The following ELAPOR1 variants were observed in gnomAD, a reference collection of about 807,000 sequenced individuals.
ELAPOR1 encodes the protein endosome/lysosome-associated apoptosis and autophagy regulator 1.
Under a neutral mutation model 119.7 loss-of-function variants are expected in ELAPOR1, and 77 were observed. That is an observed-to-expected ratio of 0.64 (90% CI 0.54 to 0.78). ELAPOR1 has a LOEUF of 0.78. Among genes scored for constraint, ELAPOR1 ranks in the 30% least tolerant of loss-of-function variants. ELAPOR1 has a pLI of 0.00. For synonymous variants in ELAPOR1, 481 were observed against 487.2 expected (o/e 0.99, Z 0.17); for missense variants, 1,115 against 1,270.4 (o/e 0.88, Z 1.86).
At chr1:109,201,879 C>A (rs985661662) in intron 21 of ELAPOR1, among the ~76,000 whole-genome samples, 2 of 152,028 alleles carry the variant, frequency 1.3e-5, no homozygotes, top group Non-Finnish European at 2.9e-5. Flanking sequence ...GCTGGAGGAT[C>A]TCTTGAGGCT....
rs552697903 is a variant in ELAPOR1 at position 109,141,423 on chromosome 1, G to A, written c.154-20471G>A. Among the ~76,000 whole-genome samples, 13 of 151,368 alleles carry A rather than the reference G, an allele frequency of 8.6e-5. No individual in the cohort carries two copies. The South Asian group carries it at 2.1e-3, about 24-fold the overall frequency. ...ACTACAGGCGCCTGCCACCACGCCCGGCTAATTTTTTGTATTTTTAGTAGA... is the reference window on the plus strand; with the variant it reads ...ACTACAGGCGCCTGCCACCACGCCCAGCTAATTTTTTGTATTTTTAGTAGA... On this transcript the variant is annotated intron_variant, in intron 1 of 21. Transcript: ENST00000369939.
At position 109,202,951 on chromosome 1, in the gene ELAPOR1, C is replaced by T; in HGVS notation, c.2981C>T (p.Pro994Leu). The T allele has an allele frequency of 1.9e-6, 3 of 1,613,902 alleles. No individual in the cohort carries two copies. Among genetic ancestry groups the T allele is most frequent in the Non-Finnish European group, 1.7e-6 (2 of 1,179,938 alleles). ...KIKSFTSKRT[P>L]DGFDSVPLKT... ...TCACCATCTCTCTTTCAGAGGACTC[C>T]TGATGGATTTGACTCAGTGCCGCTG... Residue 994 changes from proline (P) to leucine (L), a missense_variant, in exon 22 of 22, where the codon CCT becomes CTT. Physicochemically the swap from Pro to Leu is moderately conservative, Grantham distance 98. Transcript: ENST00000369939.
intron 1 of ELAPOR1, among the ~76,000 whole-genome samples, chr1:109,141,928 G>A (rs1649852511): frequency 6.6e-6 from 1 of 151,982 alleles, no homozygotes; most frequent in Non-Finnish European, 1.5e-5. Context: ...GCCTCTCGAA[G>A]TGCTAGGATT....
Position 109,191,756 on chromosome 1 carries a change from G to A in ELAPOR1, c.1576G>A (p.Glu526Lys), listed in dbSNP as rs1653451869. Residue 526 changes from glutamate (E) to lysine (K), a missense_variant, in exon 13 of 22, where the codon GAG (glutamate) becomes AAG (lysine). Transcript: ENST00000369939. ...GAATTCTAGGACCAACACTCCTGTGGAGACGTGGAAAGGTTCCAAAGGCAA... is the reference window on the plus strand; with the variant it reads ...GAATTCTAGGACCAACACTCCTGTGAAGACGTGGAAAGGTTCCAAAGGCAA... ...GVNSRTNTPV[E>K]TWKGSKGKQS... is the part of the protein sequence containing the mutation. 1 of 1,614,096 alleles carries A rather than the reference G, an allele frequency of 6.2e-7. No individual in the cohort carries two copies. Among genetic ancestry groups the A allele is most frequent in the African/African-American group, 1.3e-5 (1 of 74,922 alleles).
chr1:109,116,968 G>A, intron 1 of ELAPOR1, among the ~76,000 whole-genome samples: 1 of 152,200 alleles, frequency 6.6e-6, no homozygotes, highest in East Asian at 1.9e-4. Flanking sequence ...TGGGACTGCA[G>A]GCGTGAGTCA....
intron 8 of ELAPOR1, chr1:109,186,830 C>T (rs1018907867): frequency 3.0e-6 from 3 of 985,404 alleles, no homozygotes; most frequent in African/African-American, 1.7e-5. Flanking sequence ...TGGGTCAGTA[C>T]CGTGCTTGCT....
intron 10 of ELAPOR1, 34 bp downstream of exon 10, chr1:109,189,228 C>G (rs370707028): frequency 1.3e-5 from 21 of 1,604,878 alleles, no homozygotes; most frequent in African/African-American, 8.0e-5. Flanking sequence ...GAGCTGTCAG[C>G]TCCCTGCACA....
intron 15 of ELAPOR1, among the ~76,000 whole-genome samples, chr1:109,196,403 C>G (rs1197823904): frequency 1.3e-5 from 2 of 152,164 alleles, no homozygotes; most frequent in African/African-American, 4.8e-5. Context: ...AGGTCATGAT[C>G]ACTTAGGAAA....
rs1557706649 is a variant in ELAPOR1 at position 109,203,025 on chromosome 1, GCCTCACCTGCCT to G, written c.*22_*33del. The stretch of plus-strand genomic sequence containing the variant: ...CATGGACCTGTGAGAGGCACTGCCT[GCCTCACCTGCCT>G]CCTCACCTTGCATAGCACCTTTGCA... On this transcript the variant is annotated 3_prime_UTR_variant, in exon 22 of 22. Transcript: ENST00000369939. 6.3e-7 allele frequency: 1 copy of G among 1,576,516 alleles called. No homozygotes were observed.
At chr1:109,117,015 T>G (rs1648057489) in intron 1 of ELAPOR1, among the ~76,000 whole-genome samples, 1 of 151,928 alleles carries the variant, frequency 6.6e-6, no homozygotes, top group South Asian at 2.1e-4. Context: ...TTAATCTTCA[T>G]ACGAATTTCT....
intron 1 of ELAPOR1, chr1:109,161,613 C>T (rs181020657): frequency 4.5e-5 from 10 of 223,250 alleles, no homozygotes; most frequent in East Asian, 1.8e-4. Context: ...ACCTTTCCCA[C>T]GTTCCTCTGC....
At chr1:109,161,682 T>C in intron 1 of ELAPOR1, 1 of 440,412 alleles carries the variant, frequency 2.3e-6, no homozygotes, top group Non-Finnish European at 4.1e-6. Context: ...AAATGATTTC[T>C]AGGGACTAGA....
In ELAPOR1 at chr1:109,177,423, G is replaced by A. The variant is rs182889203; in HGVS notation, c.952+3586G>A. ...ACGCTCCTCACATCCTGGACGGGGC[G>A]GCAGGGCAGAGGTGCTCCCCACATC... On this transcript the variant is annotated intron_variant, in intron 7 of 21. Coordinates refer to ENST00000369939, the MANE Select transcript of ELAPOR1 (RefSeq NM_020775.5). 2.3e-3 allele frequency among the ~76,000 whole-genome samples: 295 copies of A among 130,644 alleles called. 2 individuals are homozygous for A. The highest frequency in any genetic ancestry group is 9.3e-3 in the African/African-American group (273 of 29,410). The allele number at this position is 130,644 out of a possible 152,430, so 85.7% of individuals were successfully genotyped here.
At chr1:109,189,932 A>G (rs568933403) in intron 11 of ELAPOR1, among the ~76,000 whole-genome samples, 109 of 152,232 alleles carry the variant, frequency 7.2e-4, no homozygotes, top group Non-Finnish European at 1.3e-3. Flanking sequence ...GTCACGTGCT[A>G]TTCAAATTCT....
intron 7 of ELAPOR1, 105 bp downstream of exon 7, chr1:109,173,942 G>T (rs1047402686): frequency 4.8e-6 from 6 of 1,259,274 alleles, no homozygotes; most frequent in Non-Finnish European, 3.4e-6. Context: ...GCTGAGGATG[G>T]TAATTCTTAA....
chr1:109,127,235 A>T (rs1648841402), intron 1 of ELAPOR1, among the ~76,000 whole-genome samples: 1 of 136,054 alleles, frequency 7.4e-6, no homozygotes. Context: ...TTTTTTTTTA[A>T]GATGGAGTCT....
intron 7 of ELAPOR1, among the ~76,000 whole-genome samples, chr1:109,178,015 T>C (rs918300861): frequency 6.7e-6 from 1 of 150,278 alleles, no homozygotes. Context: ...TTCTTTCTTT[T>C]TTTTTTTTTT....
intron 1 of ELAPOR1, among the ~76,000 whole-genome samples, chr1:109,154,179 G>A (rs183208859): frequency 1.5e-3 from 226 of 150,878 alleles, no homozygotes; most frequent in Admixed American, 2.5e-3. Context: ...TACTCGGGAG[G>A]TTGAGGCAGG....
At chr1:109,118,303 G>C (rs1484011750) in intron 1 of ELAPOR1, among the ~76,000 whole-genome samples, 1 of 152,184 alleles carries the variant, frequency 6.6e-6, no homozygotes, top group Non-Finnish European at 1.5e-5. Context: ...AAATGATCCT[G>C]GGACTTGCAA....
Sources: gnomAD v4.1 joint callset for allele counts (sites outside exome capture counted in the v4.1 genomes callset) on GRCh38, gnomAD v4.1.1 for gene constraint, MANE v1.5 for transcripts, NCBI Gene and HGNC (gene_info 2026-07-23, HGNC 2026-07-21) for gene names.